KIT: variants seen among roughly 807,000 people sequenced by gnomAD.
The protein encoded by KIT is mast/stem cell growth factor receptor Kit.
Under a neutral mutation model 105.7 loss-of-function variants are expected in KIT, and 16 were observed. The observed-to-expected ratio is 0.15, with a 90% CI of 0.10 to 0.23. The LOEUF is 0.23. KIT is among the 10% of genes least tolerant of loss of function. The probability of loss-of-function intolerance (pLI) is 1.00; values close to 1 mark genes in which losing one functional copy is unlikely to be tolerated. For synonymous variants in KIT, 438 were observed against 441.1 expected, an observed-to-expected ratio of 0.99 and a Z score of 0.09; for missense variants, 858 against 1,213.8, an observed-to-expected ratio of 0.71 and a Z score of 4.36.
At chr4:54,721,174 C>G (rs997424934) in intron 7 of KIT, among the ~76,000 whole-genome samples, 1 of 152,164 alleles carries the variant, frequency 6.6e-6, no homozygotes, top group Non-Finnish European at 1.5e-5. Context: ...ATGGAGGAGG[C>G]AGACCAAGAT....
At chr4:54,718,850 A>G (rs997761186) in intron 7 of KIT, among the ~76,000 whole-genome samples, 1 of 152,258 alleles carries the variant, frequency 6.6e-6, no homozygotes, top group Non-Finnish European at 1.5e-5. Flanking sequence ...AAGACACAGT[A>G]TATGTCCAAA....
In KIT at chr4:54,738,743, G is replaced by A. The variant is rs1723075661; in HGVS notation, c.*186G>A. The A allele has an allele frequency of 1.4e-6, 1 of 714,212 alleles. No homozygotes were observed. The highest frequency in any genetic ancestry group is 1.7e-5 in the African/African-American group (1 of 57,420). The allele number at this position is 714,212 out of a possible 1,614,324, so 44.2% of individuals were successfully genotyped here. A position where few individuals can be genotyped will look rare whatever the true frequency, so the allele number is the denominator to read the frequency against. On this transcript the variant is annotated 3_prime_UTR_variant, in exon 21 of 21. Transcript: ENST00000288135. Reference sequence around the variant, plus strand: ...TCATCAGCCACCATCCTATTGCAAAGGTTCCAACTGTATATATTCCCAATA... The same window carrying A: ...TCATCAGCCACCATCCTATTGCAAAAGTTCCAACTGTATATATTCCCAATA...
chr4:54,717,155 T>C (rs1314333582), intron 7 of KIT, among the ~76,000 whole-genome samples: 5 of 152,180 alleles, frequency 3.3e-5, no homozygotes, highest in Non-Finnish European at 7.3e-5. Flanking sequence ...AGAATGTCTG[T>C]GGAGGCAAGA....
At chr4:54,675,931 G>A (rs1056225675) in intron 1 of KIT, among the ~76,000 whole-genome samples, 1 of 152,160 alleles carries the variant, frequency 6.6e-6, no homozygotes, top group Admixed American at 6.5e-5. Flanking sequence ...GCTGTGACTG[G>A]AGAATTCTGC....
At chr4:54,665,075 A>G (rs1263832761) in intron 1 of KIT, among the ~76,000 whole-genome samples, 2 of 152,080 alleles carry the variant, frequency 1.3e-5, no homozygotes, top group East Asian at 3.9e-4. Context: ...GGCAACCACC[A>G]TTCTACTTTC....
At chr4:54,659,116 G>A (rs935391746) in intron 1 of KIT, among the ~76,000 whole-genome samples, 1 of 152,152 alleles carries the variant, frequency 6.6e-6, no homozygotes, top group East Asian at 1.9e-4. Context: ...GTGACCGCCC[G>A]CCTCCCCGCC....
chr4:54,692,727 G>C (rs60981528), intron 1 of KIT, among the ~76,000 whole-genome samples: 1 of 152,070 alleles, frequency 6.6e-6, no homozygotes, highest in Non-Finnish European at 1.5e-5. Flanking sequence ...TGGCCACTGC[G>C]TGCCCATATT....
At chr4:54,737,137 G>A (rs1722965157) in intron 19 of KIT, 38 bp from the exon 20 acceptor site, 1 of 1,317,328 alleles carries the variant, frequency 7.6e-7, no homozygotes, top group Non-Finnish European at 1.1e-6. Flanking sequence ...CAAGCTGAGG[G>A]CATTGAGGAG....
At chr4:54,714,988 A>G (rs1721379626) in intron 7 of KIT, among the ~76,000 whole-genome samples, 1 of 152,220 alleles carries the variant, frequency 6.6e-6, no homozygotes, top group Non-Finnish European at 1.5e-5. Flanking sequence ...ATTTCACTCC[A>G]TTTATGGAAG....
chr4:54,672,596 G>C (rs752737852), intron 1 of KIT, among the ~76,000 whole-genome samples: 5 of 152,130 alleles, frequency 3.3e-5, no homozygotes, highest in Non-Finnish European at 2.9e-5. Context: ...TTTACTTCCA[G>C]TTAATATCTA....
At chr4:54,712,347 A>G (rs1199713723) in intron 7 of KIT, among the ~76,000 whole-genome samples, 1 of 152,192 alleles carries the variant, frequency 6.6e-6, no homozygotes, top group Non-Finnish European at 1.5e-5. Context: ...TTCTGTATTT[A>G]TCTCCTGTGC....
intron 4 of KIT, among the ~76,000 whole-genome samples, chr4:54,702,386 T>G (rs1720512093): frequency 6.6e-6 from 1 of 152,158 alleles, no homozygotes; most frequent in Non-Finnish European, 1.5e-5. Context: ...GTTTTACATT[T>G]TTTTAAATAT....
intron 1 of KIT, 32 bp downstream of exon 1, chr4:54,658,113 C>CGACT (rs771053767): frequency 1.2e-5 from 20 of 1,607,284 alleles, no homozygotes; most frequent in Non-Finnish European, 1.6e-5. Context: ...CCCGACCGTG[C>CGACT]GACTACTCGG....
rs1553892698 is a variant in KIT, at chr4:54,731,920, G to A, written c.2283G>A (p.Glu761=). ...DVTPAIMEDD[E]LALDLEDLLS... is the part of the protein sequence containing the mutation. ...CTCCCGCCATCATGGAGGATGACGA[G>A]TTGGCCCTAGACTTAGAAGACTTGC... is the stretch of plus-strand genomic sequence containing the variant. The change falls in exon 16 of 21, where the codon GAG becomes GAA. Residue 761 remains glutamate (E), a synonymous_variant. Coordinates refer to ENST00000288135, the MANE Select transcript of KIT (RefSeq NM_000222.3). 1.9e-6 allele frequency: 3 copies of A among 1,613,718 alleles called. No individual in the cohort carries two copies. The highest frequency in any genetic ancestry group is 1.7e-6 in the Non-Finnish European group (2 of 1,179,690).
At chr4:54,658,751 G>A (rs1011515341) in intron 1 of KIT, among the ~76,000 whole-genome samples, 2 of 152,148 alleles carry the variant, frequency 1.3e-5, no homozygotes, top group Non-Finnish European at 2.9e-5. Context: ...GGCTGTTGTG[G>A]GGCCGGACTC....
chr4:54,700,337 T>C (rs1720376084), intron 4 of KIT, among the ~76,000 whole-genome samples: 1 of 152,206 alleles, frequency 6.6e-6, no homozygotes, highest in South Asian at 2.1e-4. Context: ...TCACTATTAA[T>C]AAAACTGTTA....
At chr4:54,676,897 C>T (rs1718520001) in intron 1 of KIT, among the ~76,000 whole-genome samples, 1 of 152,152 alleles carries the variant, frequency 6.6e-6, no homozygotes, top group Admixed American at 6.5e-5. Flanking sequence ...CCTCCTAGTG[C>T]ACTTCACAGC....
In KIT at chr4:54,736,825, G is replaced by A. The variant is rs1158754122; in HGVS notation, c.2696+5G>A. Reference sequence around the variant, plus strand: ...TGAACACGCACCTGCTGAAATGTAAGAGCCAAAAAATTTTTCCTTTAGGTC... The same window carrying A: ...TGAACACGCACCTGCTGAAATGTAAAAGCCAAAAAATTTTTCCTTTAGGTC... On this transcript the variant is annotated splice_donor_5th_base_variant and intron_variant, in intron 19 of 20. Transcript: ENST00000288135. The A allele has an allele frequency of 3.1e-6, 5 of 1,613,362 alleles. No homozygotes were observed. The highest frequency in any genetic ancestry group is 4.2e-6 in the Non-Finnish European group (5 of 1,179,344).
rs376385665 is a variant in KIT at position 54,676,822 on chromosome 4, C to T, written c.68-18690C>T. The stretch of plus-strand genomic sequence containing the variant: ...CCAAAGGTGTCCAGCTCCTATCCAC[C>T]CATCTGTGGCCTCTGCAGGAGCTGC... On this transcript the variant is annotated intron_variant, in intron 1 of 20. Transcript: ENST00000288135. 3.3e-5 allele frequency among the ~76,000 whole-genome samples: 5 copies of T among 152,218 alleles called. No individual in the cohort carries two copies. In the South Asian group the frequency reaches 6.2e-4, roughly 19 times the overall value.
Sources: allele counts gnomAD v4.1 joint callset (sites outside exome capture counted in the v4.1 genomes callset), GRCh38; gene constraint gnomAD v4.1.1; transcripts MANE v1.5; gene names NCBI Gene and HGNC (gene_info 2026-07-23, HGNC 2026-07-21).